The following VTI1A variants were observed in gnomAD, a reference collection of about 807,000 sequenced individuals.
VTI1A encodes vesicle transport through interaction with t-SNAREs 1A, also known as vesicle transport through interaction with t-SNAREs homolog 1A.
A neutral mutation model predicts 34.9 loss-of-function variants in VTI1A; 22 were observed. The observed-to-expected ratio is 0.63, with a 90% CI of 0.45 to 0.90. VTI1A has a LOEUF of 0.90. Ranked by LOEUF, VTI1A falls within the 40% of genes least tolerant of loss-of-function variation. The probability of loss-of-function intolerance (pLI) is 0.00; values close to 1 mark genes in which losing one functional copy is unlikely to be tolerated. For synonymous variants in VTI1A, 87 were observed against 97.3 expected, an observed-to-expected ratio of 0.89 and a Z score of 0.62; for missense variants, 268 against 275.6, an observed-to-expected ratio of 0.97 and a Z score of 0.20.
At chr10:112,658,120 C>G (rs1220562388) in intron 5 of VTI1A, among the ~76,000 whole-genome samples, 1 of 152,108 alleles carries the variant, frequency 6.6e-6, no homozygotes, top group Non-Finnish European at 1.5e-5. Context: ...CAGGGTCTCA[C>G]TCTGTCACCC....
At chr10:112,661,138 A>G (rs545645955) in intron 5 of VTI1A, among the ~76,000 whole-genome samples, 1 of 152,130 alleles carries the variant, frequency 6.6e-6, no homozygotes, top group African/African-American at 2.4e-5. Context: ...GTGCCACCAC[A>G]CACGGCTAAG....
intron 5 of VTI1A, among the ~76,000 whole-genome samples, chr10:112,589,018 CTTT>C (rs3057340): frequency 0.13 from 16,943 of 129,238 alleles, 1,236 homozygotes; most frequent in Middle Eastern, 0.26. Context: ...GACTCCTTGT[CTTT>C]TTTTTTTTTT....
intron 7 of VTI1A, among the ~76,000 whole-genome samples, chr10:112,724,529 C>A (rs1849935806): frequency 6.6e-6 from 1 of 151,940 alleles, no homozygotes; most frequent in Non-Finnish European, 1.5e-5. Context: ...CTGCCCTGAC[C>A]TCTCTTGGGG....
chr10:112,773,135 T>C (rs961689375), intron 7 of VTI1A, among the ~76,000 whole-genome samples: 24 of 152,216 alleles, frequency 1.6e-4, no homozygotes, highest in African/African-American at 5.3e-4. Flanking sequence ...GAATTGACTT[T>C]GCTATCAGAA....
At chr10:112,448,921 C>G (rs967045358) in intron 1 of VTI1A, 1 of 152,188 alleles carries the variant, frequency 6.6e-6, no homozygotes, top group Admixed American at 6.5e-5. Context: ...ACTTATACCC[C>G]ACTCATCTCC....
chr10:112,738,235 C>T (rs1032292210), intron 7 of VTI1A, among the ~76,000 whole-genome samples: 5 of 152,188 alleles, frequency 3.3e-5, no homozygotes, highest in Non-Finnish European at 7.3e-5. Flanking sequence ...CCTGTGCCCA[C>T]GTGTCCCTTC....
intron 7 of VTI1A, among the ~76,000 whole-genome samples, chr10:112,785,822 A>T (rs7476457): frequency 0.46 from 69,460 of 151,810 alleles, 16,824 homozygotes; most frequent in East Asian, 0.69. Flanking sequence ...TGTTCCATTG[A>T]ACTGTGTCTT....
At chr10:112,710,839 G>A (rs945722266) in intron 7 of VTI1A, among the ~76,000 whole-genome samples, 1 of 151,978 alleles carries the variant, frequency 6.6e-6, no homozygotes, top group African/African-American at 2.4e-5. Context: ...GTGTGTATGA[G>A]AACCTTCACT....
At chr10:112,549,823 C>G (rs1156378594) in intron 5 of VTI1A, among the ~76,000 whole-genome samples, 1 of 152,110 alleles carries the variant, frequency 6.6e-6, no homozygotes, top group Non-Finnish European at 1.5e-5. Flanking sequence ...ATTTACCTTA[C>G]AGTTACAAGC....
chr10:112,470,575 T>A (rs1848041761), intron 3 of VTI1A, among the ~76,000 whole-genome samples: 1 of 152,152 alleles, frequency 6.6e-6, no homozygotes, highest in Non-Finnish European at 1.5e-5. Context: ...TGGAAAAGCT[T>A]CCTCTGTTAC....
chr10:112,552,317 G>A (rs1851388320), intron 5 of VTI1A, among the ~76,000 whole-genome samples: 1 of 152,102 alleles, frequency 6.6e-6, no homozygotes, highest in Admixed American at 6.5e-5. Context: ...GTTTCATGAA[G>A]AAATAAGTAC....
chr10:112,670,342 A>G (rs1847803334), intron 7 of VTI1A, among the ~76,000 whole-genome samples: 1 of 152,146 alleles, frequency 6.6e-6, no homozygotes, highest in Non-Finnish European at 1.5e-5. Context: ...TGTAAAAAAA[A>G]TGATGTGGTT....
chr10:112,660,246 G>A (rs999200935), intron 5 of VTI1A, among the ~76,000 whole-genome samples: 4 of 152,040 alleles, frequency 2.6e-5, no homozygotes, highest in African/African-American at 7.2e-5. Context: ...AACTACAGGC[G>A]CACGCCACCA....
intron 5 of VTI1A, among the ~76,000 whole-genome samples, chr10:112,617,876 C>T (rs1211032906): frequency 8.5e-5 from 13 of 152,050 alleles, no homozygotes; most frequent in South Asian, 8.3e-4. Flanking sequence ...ACAAAGTGGC[C>T]GGGCACAGCG....
At chr10:112,517,583 T>C (rs1339199198) in intron 3 of VTI1A, among the ~76,000 whole-genome samples, 1 of 152,062 alleles carries the variant, frequency 6.6e-6, no homozygotes. Flanking sequence ...TGATAAACAC[T>C]ACCTCAGCCA....
At chr10:112,503,271 C>A (rs1334818053) in intron 3 of VTI1A, among the ~76,000 whole-genome samples, 11 of 152,166 alleles carry the variant, frequency 7.2e-5, no homozygotes, top group Non-Finnish European at 1.6e-4. Flanking sequence ...TCCTCTCCCC[C>A]ATCCTTCTAC....
intron 5 of VTI1A, among the ~76,000 whole-genome samples, chr10:112,542,806 T>A (rs1245273932): frequency 6.6e-6 from 1 of 152,088 alleles, no homozygotes; most frequent in Non-Finnish European, 1.5e-5. Flanking sequence ...CCTAGGATTC[T>A]CCTAATGCTA....
At chr10:112,774,926 A>G (rs1851915701) in intron 7 of VTI1A, among the ~76,000 whole-genome samples, 1 of 152,182 alleles carries the variant, frequency 6.6e-6, no homozygotes, top group African/African-American at 2.4e-5. Context: ...AACATGCAAC[A>G]GGGCTGACAT....
At chr10:112,474,528 T>C (rs999846128) in intron 3 of VTI1A, among the ~76,000 whole-genome samples, 1 of 151,420 alleles carries the variant, frequency 6.6e-6, no homozygotes, top group Admixed American at 6.6e-5. Context: ...CAATCACAGA[T>C]CACAGTAGCC....
Sources: allele counts gnomAD v4.1 joint callset (sites outside exome capture counted in the v4.1 genomes callset), GRCh38; gene constraint gnomAD v4.1.1; transcripts MANE v1.5; gene names NCBI Gene and HGNC (gene_info 2026-07-23, HGNC 2026-07-21).